Variants in TAS2R1 observed in about 807,000 individuals in gnomAD.
The protein encoded by TAS2R1 is taste 2 receptor member 1, also known as taste receptor type 2 member 1.
For missense variants in TAS2R1, 370 were observed against 353.4 expected (o/e 1.05, Z -0.38); for synonymous variants, 141 against 134.2 (o/e 1.05, Z -0.35).
At chr5:9,657,988 T>G (rs1740449742) in intron 2 of TAS2R1, among the ~76,000 whole-genome samples, 1 of 152,210 alleles carries the variant, frequency 6.6e-6, no homozygotes, top group Non-Finnish European at 1.5e-5. Flanking sequence ...GATTTAGAAC[T>G]GATGAGGGCT....
chr5:9,780,625 A>G, the TAS2R1 span, among the ~76,000 whole-genome samples: 1 of 152,080 alleles, frequency 6.6e-6, no homozygotes, highest in Admixed American at 6.5e-5. Flanking sequence ...CATAGCTTCA[A>G]TTCTATCTGT....
chr5:9,838,193 T>A, the TAS2R1 span, among the ~76,000 whole-genome samples: 1 of 152,150 alleles, frequency 6.6e-6, no homozygotes, highest in Non-Finnish European at 1.5e-5. Context: ...ACTTTCCAGG[T>A]CTGGGATGGG....
chr5:9,760,130 C>G, the TAS2R1 span, among the ~76,000 whole-genome samples: 1 of 152,126 alleles, frequency 6.6e-6, no homozygotes, highest in South Asian at 2.1e-4. Context: ...CCTTGAAAAA[C>G]ACAAATAATC....
upstream of TAS2R1, among the ~76,000 whole-genome samples, chr5:9,717,159 A>G (rs75978968): frequency 3.5e-3 from 532 of 152,296 alleles, 3 homozygotes; most frequent in African/African-American, 0.012. Context: ...AGACAATGCA[A>G]AACAACCCAA....
the TAS2R1 span, among the ~76,000 whole-genome samples, chr5:9,733,311 G>A: frequency 3.3e-5 from 5 of 152,226 alleles, no homozygotes; most frequent in East Asian, 9.6e-4. Flanking sequence ...CTGCCTTTGT[G>A]TAACAGCCAC....
chr5:9,903,568 G>A, the TAS2R1 span: 1 of 152,012 alleles, frequency 6.6e-6, no homozygotes, highest in Non-Finnish European at 1.5e-5. Context: ...AGTGAGAACA[G>A]ATGATGTTTG....
At chr5:9,874,406 T>C in the TAS2R1 span, among the ~76,000 whole-genome samples, 2 of 152,190 alleles carry the variant, frequency 1.3e-5, no homozygotes, top group Admixed American at 1.3e-4. Context: ...GTTGGTATGG[T>C]TGTCTTTTGA....
chr5:9,682,990 C>T (rs138067693), intron 1 of TAS2R1, among the ~76,000 whole-genome samples: 139 of 152,238 alleles, frequency 9.1e-4, no homozygotes, highest in African/African-American at 3.2e-3. Context: ...CAGTGATCAG[C>T]TAAATTCTGA....
the TAS2R1 span, among the ~76,000 whole-genome samples, chr5:9,737,171 G>T: frequency 6.6e-6 from 1 of 152,240 alleles, no homozygotes; most frequent in Admixed American, 6.5e-5. Flanking sequence ...CAGCAGCTCT[G>T]GTCTTCATCC....
Position 9,629,930 on chromosome 5 carries a change from A to T in TAS2R1, c.103T>A (p.Leu35Met), listed in dbSNP as rs758432177. 6.2e-7 allele frequency: 1 copy of T among 1,613,940 alleles called. No homozygotes were observed. The highest frequency in any genetic ancestry group is 1.1e-5 in the South Asian group (1 of 91,010). ...GIIVVVNGID[L>M]IKHRKMAPLD... is the part of the protein sequence containing the mutation. Reference sequence around the variant, plus strand: ...GGAGCCATTTTTCTGTGCTTGATCAAGTCAATGCCATTCACCACCACAATG... The same window carrying T: ...GGAGCCATTTTTCTGTGCTTGATCATGTCAATGCCATTCACCACCACAATG... The change falls in exon 1 of 1, where the codon TTG becomes ATG. Residue 35 changes from leucine (L) to methionine (M), a missense_variant. Coordinates refer to ENST00000382492, the MANE Select transcript of TAS2R1 (RefSeq NM_019599.3).
the TAS2R1 span, among the ~76,000 whole-genome samples, chr5:9,813,205 C>A: frequency 6.6e-6 from 1 of 152,060 alleles, no homozygotes; most frequent in Non-Finnish European, 1.5e-5. Flanking sequence ...AAGATGGTAA[C>A]CTACAAGTCA....
At chr5:9,721,361 C>T in the TAS2R1 span, among the ~76,000 whole-genome samples, 34 of 152,300 alleles carry the variant, frequency 2.2e-4, no homozygotes, top group South Asian at 4.1e-4. Flanking sequence ...GGGTGTTCCC[C>T]GGTGCTGCTA....
upstream of TAS2R1, among the ~76,000 whole-genome samples, chr5:9,715,850 G>C (rs967643283): frequency 6.6e-6 from 1 of 152,196 alleles, no homozygotes; most frequent in African/African-American, 2.4e-5. Context: ...AGCAGGGAAG[G>C]GAAAGCCAAC....
the TAS2R1 span, among the ~76,000 whole-genome samples, chr5:9,879,203 GA>G: frequency 5.3e-5 from 8 of 152,218 alleles, no homozygotes; most frequent in Non-Finnish European, 1.0e-4. Context: ...TACACATGGT[GA>G]ACAAACTGTC....
the TAS2R1 span, among the ~76,000 whole-genome samples, chr5:9,738,584 T>C: frequency 3.3e-5 from 5 of 152,210 alleles, no homozygotes; most frequent in African/African-American, 1.2e-4. Context: ...ATTATTTAAA[T>C]TAAACACCCA....
At chr5:9,665,070 C>T (rs1740605447) in intron 1 of TAS2R1, among the ~76,000 whole-genome samples, 1 of 152,176 alleles carries the variant, frequency 6.6e-6, no homozygotes, top group African/African-American at 2.4e-5. Context: ...TCTTCTCAGC[C>T]TCTTACAAGG....
the TAS2R1 span, among the ~76,000 whole-genome samples, chr5:9,806,418 C>CA: frequency 6.6e-6 from 1 of 151,884 alleles, no homozygotes; most frequent in Non-Finnish European, 1.5e-5. Context: ...CCTGTGGAAC[C>CA]AAAAAAGAGT....
the TAS2R1 span, among the ~76,000 whole-genome samples, chr5:9,758,284 T>C: frequency 6.6e-6 from 1 of 152,200 alleles, no homozygotes; most frequent in Non-Finnish European, 1.5e-5. Flanking sequence ...GAAGAAATCA[T>C]ACCAGTCCAA....
chr5:9,900,561 T>C, the TAS2R1 span, among the ~76,000 whole-genome samples: 85 of 152,052 alleles, frequency 5.6e-4, 1 homozygote, highest in East Asian at 5.8e-4. Flanking sequence ...GCCAGAGTTA[T>C]ATGTTTCATT....
Sources: gnomAD v4.1 joint callset for allele counts (sites outside exome capture counted in the v4.1 genomes callset) on GRCh38, gnomAD v4.1.1 for gene constraint, MANE v1.5 for transcripts, NCBI Gene and HGNC (gene_info 2026-07-23, HGNC 2026-07-21) for gene names.